The following TMEM51 variants were observed in gnomAD, a reference collection of about 807,000 sequenced individuals.
The protein encoded by TMEM51 is chromosome 1 open reading frame 72.
A neutral mutation model predicts 13.6 loss-of-function variants in TMEM51; 8 were observed. The observed-to-expected ratio is 0.59, with a 90% CI of 0.35 to 1.07. The LOEUF (loss-of-function observed/expected upper bound fraction) is 1.07, where lower values mean the gene tolerates loss of function less well. Ranked by LOEUF, TMEM51 falls within the 50% of genes least tolerant of loss-of-function variation. The probability of loss-of-function intolerance (pLI) is 0.02; values close to 1 mark genes in which losing one functional copy is unlikely to be tolerated. For synonymous variants in TMEM51, 147 were observed against 144.4 expected (o/e 1.02, Z -0.13); for missense variants, 279 against 330.7 (o/e 0.84, Z 1.21).
intron 1 of TMEM51, among the ~76,000 whole-genome samples, chr1:15,173,200 A>C (rs1250551650): frequency 7.0e-6 from 1 of 143,138 alleles, no homozygotes; most frequent in African/African-American, 2.6e-5. Flanking sequence ...TCTGGGGTTT[A>C]ACCTGATCAT....
In TMEM51 at chr1:15,215,083, C is replaced by T. The variant is rs908920555; in HGVS notation, c.-5C>T. The T allele has an allele frequency of 6.3e-7, 1 of 1,597,972 alleles. No individual in the cohort carries two copies. Among genetic ancestry groups the T allele is most frequent in the African/African-American group, 1.3e-5 (1 of 74,618 alleles). On this transcript the variant is annotated 5_prime_UTR_variant, in exon 3 of 4. Transcript: ENST00000376008. ...GGAACTGGGCCTCGCCCTCCTCCCA[C>T]TGACATGATGGCCCAGTCCAAGGCC...
intron 1 of TMEM51, among the ~76,000 whole-genome samples, chr1:15,177,392 G>T (rs962883321): frequency 1.3e-5 from 2 of 152,200 alleles, no homozygotes; most frequent in African/African-American, 2.4e-5. Context: ...AGGCCACCAG[G>T]AAAGTGATAT....
At chr1:15,175,985 C>T (rs10754886) in intron 1 of TMEM51, among the ~76,000 whole-genome samples, 108,373 of 152,214 alleles carry the variant, frequency 0.71, 40,415 homozygotes, top group East Asian at 0.96. Context: ...TTCTTGATCA[C>T]TCTGTCAAAA....
intron 1 of TMEM51, among the ~76,000 whole-genome samples, chr1:15,193,626 G>A (rs1233060565): frequency 1.5e-5 from 2 of 136,430 alleles, no homozygotes; most frequent in Admixed American, 7.9e-5. Flanking sequence ...CGCCCAAGCT[G>A]GAGTGCAGTG....
chr1:15,160,324 AGTGCAGT>A (rs1356433344), intron 1 of TMEM51, among the ~76,000 whole-genome samples: 4 of 152,064 alleles, frequency 2.6e-5, no homozygotes, highest in Non-Finnish European at 5.9e-5. Flanking sequence ...CCCAGGCTGG[AGTGCAGT>A]GGTGCAATCT....
At chr1:15,166,225 C>G (rs1642993011) in intron 1 of TMEM51, among the ~76,000 whole-genome samples, 1 of 152,168 alleles carries the variant, frequency 6.6e-6, no homozygotes, top group Non-Finnish European at 1.5e-5. Context: ...GACCCATAGG[C>G]TTGTTATGCA....
At chr1:15,154,340 C>T (rs1642512832) in intron 1 of TMEM51, among the ~76,000 whole-genome samples, 2 of 152,380 alleles carry the variant, frequency 1.3e-5, no homozygotes, top group South Asian at 2.1e-4. Context: ...CCCAGGAAAC[C>T]ACCTTGGCGC....
chr1:15,155,635 C>T (rs1300127835), intron 1 of TMEM51, among the ~76,000 whole-genome samples: 1 of 152,114 alleles, frequency 6.6e-6, no homozygotes, highest in African/African-American at 2.4e-5. Context: ...ACAGCACAGG[C>T]AAAGGCACAG....
chr1:15,164,360 T>C (rs1325646959), intron 1 of TMEM51: 2 of 456,124 alleles, frequency 4.4e-6, no homozygotes, highest in Admixed American at 4.7e-5. Context: ...CCTTGAGAAC[T>C]TTGAAGAGTA....
intron 1 of TMEM51, among the ~76,000 whole-genome samples, chr1:15,155,622 C>G (rs534513878): frequency 2.0e-5 from 3 of 152,082 alleles, no homozygotes; most frequent in East Asian, 1.9e-4. Context: ...CTGGGCAGAT[C>G]GAACAGCACA....
At chr1:15,156,201 C>G (rs6659540) in intron 1 of TMEM51, among the ~76,000 whole-genome samples, 2 of 151,938 alleles carry the variant, frequency 1.3e-5, no homozygotes, top group Non-Finnish European at 2.9e-5. Flanking sequence ...CCTCCAGCTG[C>G]GACTCTCCGG....
At chr1:15,209,826 G>C (rs1198890382) in intron 1 of TMEM51, among the ~76,000 whole-genome samples, 2 of 152,196 alleles carry the variant, frequency 1.3e-5, no homozygotes, top group African/African-American at 4.8e-5. Context: ...GAGGTCAGGA[G>C]TTCGGACCAG....
chr1:15,194,813 C>T (rs980996573), intron 1 of TMEM51, among the ~76,000 whole-genome samples: 2 of 151,660 alleles, frequency 1.3e-5, no homozygotes, highest in Admixed American at 6.6e-5. Context: ...CCCTACCTTA[C>T]GTTTTTCAGC....
chr1:15,180,676 G>A (rs1370398191), intron 1 of TMEM51, among the ~76,000 whole-genome samples: 1 of 152,144 alleles, frequency 6.6e-6, no homozygotes, highest in Non-Finnish European at 1.5e-5. Flanking sequence ...TAACCTCTCT[G>A]AGGCTCAGCT....
At chr1:15,164,790 CTT>C (rs55802835) in intron 1 of TMEM51, among the ~76,000 whole-genome samples, 2 of 126,460 alleles carry the variant, frequency 1.6e-5, no homozygotes. Context: ...GGGAGCTTTG[CTT>C]TTTTTTTTTT....
chr1:15,188,262 C>A (rs1477028380), intron 1 of TMEM51, among the ~76,000 whole-genome samples: 2 of 152,202 alleles, frequency 1.3e-5, no homozygotes, highest in Non-Finnish European at 2.9e-5. Flanking sequence ...TCCTGTCCTT[C>A]CTGCAAACCC....
intron 1 of TMEM51, among the ~76,000 whole-genome samples, chr1:15,170,000 T>C (rs1446610408): frequency 6.6e-6 from 1 of 152,216 alleles, no homozygotes; most frequent in East Asian, 1.9e-4. Context: ...GTAACAGCTT[T>C]AAGTTCAAAT....
At chr1:15,204,291 C>T (rs567125728) in intron 1 of TMEM51, among the ~76,000 whole-genome samples, 6 of 152,360 alleles carry the variant, frequency 3.9e-5, no homozygotes, top group Middle Eastern at 3.4e-3. Context: ...AGGTGGCTCA[C>T]GCCTGTAATC....
At chr1:15,160,470 C>T (rs1358776675) in intron 1 of TMEM51, among the ~76,000 whole-genome samples, 2 of 151,998 alleles carry the variant, frequency 1.3e-5, no homozygotes, top group African/African-American at 4.8e-5. Context: ...GATAGGGTTT[C>T]ACCATGTTGG....
Sources: allele counts gnomAD v4.1 joint callset (sites outside exome capture counted in the v4.1 genomes callset), GRCh38; gene constraint gnomAD v4.1.1; transcripts MANE v1.5; gene names NCBI Gene and HGNC (gene_info 2026-07-23, HGNC 2026-07-21).